The following VGLL4 variants were observed in gnomAD, a reference collection of about 807,000 sequenced individuals.
VGLL4 encodes vestigial like family member 4.
A neutral mutation model predicts 21.0 loss-of-function variants in VGLL4; 7 were observed. That is an observed-to-expected ratio of 0.33 (90% CI 0.19 to 0.63). The LOEUF is 0.63. Among genes scored for constraint, VGLL4 ranks in the 20% least tolerant of loss-of-function variants. The pLI is 0.78. For synonymous variants in VGLL4, 222 were observed against 173.2 expected (o/e 1.28, Z -2.21); for missense variants, 394 against 425.7 (o/e 0.93, Z 0.66).
intron 2 of VGLL4, among the ~76,000 whole-genome samples, chr3:11,567,071 C>A (rs750852930): frequency 6.6e-6 from 1 of 151,956 alleles, no homozygotes; most frequent in Non-Finnish European, 1.5e-5. Context: ...GCAGGAGAAG[C>A]ACCAGAGGGG....
At chr3:11,646,987 T>C (rs1406487664), upstream of VGLL4, among the ~76,000 whole-genome samples, 1 of 152,216 alleles carries the variant, frequency 6.6e-6, no homozygotes, top group Admixed American at 6.5e-5. Flanking sequence ...AATCTTAATA[T>C]TAAAGAAATT....
At chr3:11,585,924 G>C (rs1027883598) in intron 2 of VGLL4, among the ~76,000 whole-genome samples, 3 of 152,054 alleles carry the variant, frequency 2.0e-5, no homozygotes, top group Non-Finnish European at 2.9e-5. Flanking sequence ...ACCCCCTGCC[G>C]TTGGTCCCTG....
In VGLL4 at chr3:11,565,436, T is replaced by G. The variant is rs7631808; in HGVS notation, c.273-417A>C. 2.2e-4 allele frequency among the ~76,000 whole-genome samples: 33 copies of G among 152,202 alleles called. No homozygotes were observed. The highest frequency in any genetic ancestry group is 7.9e-4 in the African/African-American group (33 of 41,560). ...CTGCGTCCTACATGCAGGGCCCTAT[T>G]CAAAGCCTCCACAGCACTGCTCAGC... On this transcript the variant is annotated intron_variant, in intron 2 of 4. Coordinates refer to ENST00000430365, the MANE Select transcript of VGLL4 (RefSeq NM_001128219.3). The surrounding 1 kb of genome is among the most constrained non-coding windows in gnomAD (Gnocchi z 4.1).
chr3:11,580,625 A>G (rs2074197774), intron 2 of VGLL4, among the ~76,000 whole-genome samples: 1 of 152,248 alleles, frequency 6.6e-6, no homozygotes, highest in Admixed American at 6.5e-5. Flanking sequence ...GGCCCTCTCT[A>G]CTAGAGAAAA....
At chr3:11,650,213 G>C (rs1457890650) in intron 2 of VGLL4, among the ~76,000 whole-genome samples, 1 of 152,140 alleles carries the variant, frequency 6.6e-6, no homozygotes, top group Non-Finnish European at 1.5e-5. Flanking sequence ...GGGATTACTG[G>C]CATGAGCCAC....
intron 2 of VGLL4, among the ~76,000 whole-genome samples, chr3:11,574,781 A>ATGTGTGTGTGTG (rs1288636397): frequency 2.5e-5 from 3 of 120,942 alleles, no homozygotes; most frequent in Non-Finnish European, 3.4e-5. Flanking sequence ...CAATTCAACT[A>ATGTGTGTGTGTG]TATATGTGTG....
chr3:11,655,841 G>A (rs2075949467), intron 2 of VGLL4, among the ~76,000 whole-genome samples: 1 of 152,288 alleles, frequency 6.6e-6, no homozygotes, highest in East Asian at 1.9e-4. Context: ...CTCCTCTGAT[G>A]AACGGCCATC....
intron 1 of VGLL4, among the ~76,000 whole-genome samples, chr3:11,706,800 G>A (rs2076767076): frequency 6.6e-6 from 1 of 152,148 alleles, no homozygotes; most frequent in South Asian, 2.1e-4. Flanking sequence ...CACAGGGGCA[G>A]GAATGAGCAC....
At chr3:11,597,058 G>A (rs1202081221) in intron 2 of VGLL4, among the ~76,000 whole-genome samples, 2 of 152,110 alleles carry the variant, frequency 1.3e-5, no homozygotes, top group Non-Finnish European at 2.9e-5. Context: ...AATAATGGAG[G>A]TTATGACAAG....
intron 2 of VGLL4, among the ~76,000 whole-genome samples, chr3:11,668,930 G>T (rs2076165901): frequency 6.6e-6 from 1 of 152,194 alleles, no homozygotes; most frequent in Non-Finnish European, 1.5e-5. Flanking sequence ...TCATGCCAGG[G>T]TTCGTGCTGT....
intron 1 of VGLL4, among the ~76,000 whole-genome samples, chr3:11,634,980 G>A (rs2125321694): frequency 6.6e-6 from 1 of 152,272 alleles, no homozygotes; most frequent in Non-Finnish European, 1.5e-5. Context: ...CCAGGACTCA[G>A]TATTTGAGCA....
intron 2 of VGLL4, among the ~76,000 whole-genome samples, chr3:11,572,746 A>G (rs2073826233): frequency 6.6e-6 from 1 of 152,164 alleles, no homozygotes; most frequent in African/African-American, 2.4e-5. Context: ...ATGTTCCAAC[A>G]CAGAGACCTG....
chr3:11,713,568 TTATATATA>T (rs10690353), intron 1 of VGLL4, among the ~76,000 whole-genome samples: 18 of 140,294 alleles, frequency 1.3e-4, no homozygotes, highest in African/African-American at 4.6e-4. Context: ...TATATATTAT[TTATATATA>T]TATATATATA....
intron 2 of VGLL4, among the ~76,000 whole-genome samples, chr3:11,574,525 A>G (rs1341750489): frequency 2.0e-5 from 3 of 152,168 alleles, no homozygotes; most frequent in African/African-American, 4.8e-5. Context: ...GAGATTTGCT[A>G]AAGGATACAA....
At chr3:11,566,979 G>A (rs1354692490) in intron 2 of VGLL4, among the ~76,000 whole-genome samples, 1 of 152,186 alleles carries the variant, frequency 6.6e-6, no homozygotes, top group Admixed American at 6.5e-5. Flanking sequence ...ATGGAGAGCT[G>A]GAGGGCTGAG....
chr3:11,621,152 T>G (rs2075259463), intron 1 of VGLL4, among the ~76,000 whole-genome samples: 1 of 152,222 alleles, frequency 6.6e-6, no homozygotes, highest in Admixed American at 6.5e-5. Flanking sequence ...ACATTAAGTC[T>G]CCAACTTTTA....
chr3:11,704,135 C>T (rs1473843451), intron 1 of VGLL4, among the ~76,000 whole-genome samples: 5 of 152,012 alleles, frequency 3.3e-5, no homozygotes, highest in African/African-American at 1.2e-4. Context: ...AATCCCAGCA[C>T]TTTGGGAGGC....
chr3:11,651,098 A>G (rs568506420), intron 2 of VGLL4, among the ~76,000 whole-genome samples: 1 of 152,354 alleles, frequency 6.6e-6, no homozygotes, highest in Admixed American at 6.5e-5. Flanking sequence ...CTGTAATCCC[A>G]GCACTTTGGG....
At chr3:11,637,991 G>A (rs1356969819) in intron 1 of VGLL4, among the ~76,000 whole-genome samples, 1 of 152,192 alleles carries the variant, frequency 6.6e-6, no homozygotes, top group Non-Finnish European at 1.5e-5. Flanking sequence ...GATACTTTGA[G>A]ATGACAAAGA....
Sources: allele counts gnomAD v4.1 joint callset (sites outside exome capture counted in the v4.1 genomes callset), GRCh38; gene constraint gnomAD v4.1.1; non-coding constraint Gnocchi (gnomAD v3.1); transcripts MANE v1.5; gene names NCBI Gene and HGNC (gene_info 2026-07-23, HGNC 2026-07-21).